DYNC1I1: variants seen among roughly 807,000 people sequenced by gnomAD.
The protein encoded by DYNC1I1 is dynein cytoplasmic 1 intermediate chain 1.
In DYNC1I1, 43 loss-of-function variants were observed where a neutral mutation model predicts 86.6. The observed-to-expected ratio is 0.50, with a 90% CI of 0.39 to 0.64. DYNC1I1 has a LOEUF of 0.64. Among genes scored for constraint, DYNC1I1 ranks in the 30% least tolerant of loss-of-function variants. The pLI is 0.00. For missense variants in DYNC1I1, 604 were observed against 788.8 expected, an observed-to-expected ratio of 0.77 and a Z score of 2.81; for synonymous variants, 262 against 283.7, an observed-to-expected ratio of 0.92 and a Z score of 0.77.
At chr7:95,945,816 A>G (rs1584188498) in intron 6 of DYNC1I1, among the ~76,000 whole-genome samples, 1 of 152,260 alleles carries the variant, frequency 6.6e-6, no homozygotes, top group South Asian at 2.1e-4. Flanking sequence ...CATCAACAAT[A>G]TGGAATGATA....
At chr7:95,955,709 A>G (rs930352939) in intron 6 of DYNC1I1, among the ~76,000 whole-genome samples, 8 of 152,232 alleles carry the variant, frequency 5.3e-5, no homozygotes, top group Non-Finnish European at 1.2e-4. Context: ...AATTTCAAAC[A>G]GGACCAGCTT....
chr7:95,796,779 T>A (rs1369952861), intron 1 of DYNC1I1, among the ~76,000 whole-genome samples: 1 of 151,998 alleles, frequency 6.6e-6, no homozygotes, highest in Non-Finnish European at 1.5e-5. Flanking sequence ...TAAGTCACAG[T>A]TGACTTAACC....
intron 6 of DYNC1I1, among the ~76,000 whole-genome samples, chr7:95,940,324 C>A (rs1334475667): frequency 1.3e-5 from 2 of 151,898 alleles, no homozygotes; most frequent in African/African-American, 4.8e-5. Context: ...CTCTGTATTT[C>A]CTGAATCTGA....
intron 14 of DYNC1I1, among the ~76,000 whole-genome samples, chr7:96,054,816 G>GT (rs1789521494): frequency 6.6e-6 from 1 of 152,020 alleles, no homozygotes; most frequent in Non-Finnish European, 1.5e-5. Flanking sequence ...TGATGGGGTT[G>GT]TTTTTTTCTT....
At chr7:95,957,576 A>T (rs1792750606) in intron 6 of DYNC1I1, among the ~76,000 whole-genome samples, 1 of 152,130 alleles carries the variant, frequency 6.6e-6, no homozygotes, top group Non-Finnish European at 1.5e-5. Flanking sequence ...CCATCAGAAG[A>T]AGGAGGAATT....
chr7:95,941,200 C>G (rs1368028009), intron 6 of DYNC1I1, among the ~76,000 whole-genome samples: 2 of 152,010 alleles, frequency 1.3e-5, no homozygotes, highest in South Asian at 2.1e-4. Context: ...AGGTGTCAGT[C>G]TGCCCCTACT....
At chr7:95,978,066 G>A (rs1793354199) in intron 7 of DYNC1I1, among the ~76,000 whole-genome samples, 1 of 152,122 alleles carries the variant, frequency 6.6e-6, no homozygotes, top group African/African-American at 2.4e-5. Flanking sequence ...GTATAAGGAG[G>A]AACAACCTCT....
At chr7:96,053,423 C>G (rs1789465475) in intron 14 of DYNC1I1, among the ~76,000 whole-genome samples, 1 of 151,972 alleles carries the variant, frequency 6.6e-6, no homozygotes, top group Admixed American at 6.6e-5. Context: ...TTTGGCTTTT[C>G]TTTTTATCAA....
Position 96,095,651 on chromosome 7 carries a change from G to T in DYNC1I1, c.1777-1832G>T, listed in dbSNP as rs200350890. ...GGCTTTTGTCTCTTCTTGGGCTTTTGTTTCATGGTTATTTTTGGAAAGGCT... is the reference window on the plus strand; with the variant it reads ...GGCTTTTGTCTCTTCTTGGGCTTTTTTTTCATGGTTATTTTTGGAAAGGCT... On this transcript the variant is annotated intron_variant, in intron 16 of 16. Coordinates refer to ENST00000447467, the MANE Select transcript of DYNC1I1 (RefSeq NM_001135556.2). Among the ~76,000 whole-genome samples, 33 of 152,112 alleles carry T rather than the reference G, an allele frequency of 2.2e-4. No individual in the cohort carries two copies. The East Asian group carries it at 6.4e-3, about 29-fold the overall frequency.
At chr7:96,013,096 T>C (rs551669668) in intron 10 of DYNC1I1, among the ~76,000 whole-genome samples, 1 of 152,132 alleles carries the variant, frequency 6.6e-6, no homozygotes, top group South Asian at 2.1e-4. Context: ...TCCTGGATTA[T>C]GTGGGTCGGC....
intron 5 of DYNC1I1, among the ~76,000 whole-genome samples, chr7:95,840,123 C>T (rs1789240874): frequency 6.6e-6 from 1 of 152,048 alleles, no homozygotes; most frequent in African/African-American, 2.4e-5. Context: ...GTCTTATTTC[C>T]TTCCCCAGGT....
chr7:95,828,705 T>G (rs1489579577), intron 5 of DYNC1I1, among the ~76,000 whole-genome samples: 5 of 152,280 alleles, frequency 3.3e-5, no homozygotes, highest in Non-Finnish European at 5.9e-5. Context: ...ATATCATCTT[T>G]TTCAGATGTA....
At chr7:96,090,205 G>C (rs911334662) in intron 16 of DYNC1I1, among the ~76,000 whole-genome samples, 1 of 151,918 alleles carries the variant, frequency 6.6e-6, no homozygotes, top group Non-Finnish European at 1.5e-5. Context: ...TCATCTTTAG[G>C]TCTTTGTGAA....
chr7:96,086,853 G>T (rs1037885509), intron 16 of DYNC1I1, among the ~76,000 whole-genome samples: 14 of 152,094 alleles, frequency 9.2e-5, no homozygotes, highest in African/African-American at 2.9e-4. Flanking sequence ...AGGAAGAATG[G>T]CCTACACAAT....
At chr7:95,793,182 G>T (rs2115729941) in intron 1 of DYNC1I1, among the ~76,000 whole-genome samples, 1 of 152,284 alleles carries the variant, frequency 6.6e-6, no homozygotes, top group Non-Finnish European at 1.5e-5. Flanking sequence ...AAGCAATGAT[G>T]AAGACTGGCC....
intron 10 of DYNC1I1, among the ~76,000 whole-genome samples, chr7:96,003,165 A>G (rs1490677526): frequency 6.6e-6 from 1 of 152,170 alleles, no homozygotes; most frequent in East Asian, 1.9e-4. Flanking sequence ...TTAATAACCC[A>G]TAAGGTTATA....
At chr7:95,826,706 G>A (rs575594509) in intron 4 of DYNC1I1, among the ~76,000 whole-genome samples, 1 of 152,164 alleles carries the variant, frequency 6.6e-6, no homozygotes, top group Non-Finnish European at 1.5e-5. Context: ...GGAAGGAAAT[G>A]AAGAGTGATA....
intron 10 of DYNC1I1, among the ~76,000 whole-genome samples, chr7:96,024,213 C>A (rs982223632): frequency 2.0e-5 from 3 of 152,136 alleles, no homozygotes; most frequent in African/African-American, 7.2e-5. Flanking sequence ...AAGATCCTCA[C>A]CAACTTTATA....
At position 95,813,117 on chromosome 7, in the gene DYNC1I1, A is replaced by G; in HGVS notation, c.224-130A>G. Reference sequence around the variant, plus strand: ...CCTTTTTTTTTTTTTTCTTTATCCCATCTCAATGTCTCCTGGCCATACAAC... The same window carrying G: ...CCTTTTTTTTTTTTTTCTTTATCCCGTCTCAATGTCTCCTGGCCATACAAC... On this transcript the variant is annotated intron_variant, in intron 3 of 16. Transcript: ENST00000447467. 4 of 1,253,508 alleles carry G rather than the reference A, an allele frequency of 3.2e-6. 1 individual carries two copies. Among genetic ancestry groups the G allele is most frequent in the Non-Finnish European group, 4.2e-6 (4 of 942,878 alleles). The allele number at this position is 1,253,508 out of a possible 1,614,324, so 77.6% of individuals were successfully genotyped here. A position where few individuals can be genotyped will look rare whatever the true frequency, so the allele number is the denominator to read the frequency against.
Sources: allele counts gnomAD v4.1 joint callset (sites outside exome capture counted in the v4.1 genomes callset), GRCh38; gene constraint gnomAD v4.1.1; transcripts MANE v1.5; gene names NCBI Gene and HGNC (gene_info 2026-07-23, HGNC 2026-07-21).